Variants in ZSCAN20 observed in about 807,000 individuals in gnomAD.
ZSCAN20 encodes the protein zinc finger and SCAN domain containing 20.
In ZSCAN20, 39 loss-of-function variants were observed where a neutral mutation model predicts 97.1. The observed-to-expected ratio is 0.40, with a 90% CI of 0.31 to 0.52. ZSCAN20 has a LOEUF of 0.52. ZSCAN20 is among the 20% of genes least tolerant of loss of function. ZSCAN20 has a pLI of 0.49. For missense variants in ZSCAN20, 1,115 were observed against 1,290.4 expected (o/e 0.86, Z 2.08); for synonymous variants, 456 against 467.3 (o/e 0.98, Z 0.31).
chr1:33,480,752 C>A (rs1008195878), intron 2 of ZSCAN20, among the ~76,000 whole-genome samples: 1 of 152,184 alleles, frequency 6.6e-6, no homozygotes, highest in Admixed American at 6.5e-5. Flanking sequence ...ATTTAACATT[C>A]GCAGTTTCAA....
rs546305781 is a variant in ZSCAN20 at position 33,499,272 on chromosome 1, G to A, written c.*3796G>A. The stretch of plus-strand genomic sequence containing the variant: ...TTGCAGGTGAACTTGCCTCACCCAG[G>A]CTGTTCTGGGTCTTTGTACTCCAGA... On this transcript the variant is annotated 3_prime_UTR_variant, in exon 8 of 8. Transcript: ENST00000684572. 1.3e-5 allele frequency among the ~76,000 whole-genome samples: 2 copies of A among 152,324 alleles called. No homozygotes were observed. The highest frequency in any genetic ancestry group is 4.1e-4 in the South Asian group (2 of 4,824).
chr1:33,491,143 G>A lies in ZSCAN20; in HGVS notation c.885G>A (p.Glu295=), dbSNP rs41265903. Residue 295 remains glutamate, a synonymous_variant, in exon 6 of 8, where the codon GAG becomes GAA. Transcript: ENST00000684572. The surrounding 1 kb of genome is among the most constrained non-coding windows in gnomAD (Gnocchi z 4.3). ...CTGCAGATTACAGCCTGGATAATGA[G>A]CCAGCTCAGGCATTGACCTGGAGGG... ...RSTADYSLDN[E]PAQALTWRDS... The A allele has an allele frequency of 0.041, 65,934 of 1,614,094 alleles. 1,632 individuals carry two copies. The highest frequency in any genetic ancestry group is 0.048 in the Non-Finnish European group (56,986 of 1,180,004).
At chr1:33,484,428 C>T (rs1429762614) in intron 2 of ZSCAN20, among the ~76,000 whole-genome samples, 1 of 152,102 alleles carries the variant, frequency 6.6e-6, no homozygotes, top group Non-Finnish European at 1.5e-5. Context: ...TTTTCTGCAT[C>T]TGTTGATATA....
At chr1:33,474,529 T>A (rs1048231497) in intron 1 of ZSCAN20, among the ~76,000 whole-genome samples, 6 of 152,224 alleles carry the variant, frequency 3.9e-5, no homozygotes, top group Admixed American at 2.6e-4. Context: ...TTGATTTTGA[T>A]GGCAGTCAGC....
chr1:33,493,196 A>G lies in ZSCAN20; in HGVS notation c.1454A>G (p.His485Arg). 6.2e-7 allele frequency: 1 copy of G among 1,613,756 alleles called. No homozygotes were observed. The highest frequency in any genetic ancestry group is 8.5e-7 in the Non-Finnish European group (1 of 1,179,706). The stretch of plus-strand genomic sequence containing the variant: ...TCTTCACTCCTGACAGCAGGTGTGC[A>G]CTGGGGCTATGAGGAGACCAAGGCC... The part of the protein sequence containing the change: ...ALFQSRIAGV[H>R]WGYEETKAFL... The change falls in exon 7 of 8, where the codon CAC (histidine) becomes CGC (arginine). Residue 485 changes from histidine to arginine, a missense_variant. Physicochemically the swap from His to Arg is conservative, Grantham distance 29. This residue lies in a region of ZSCAN20 where 508 missense variants were observed against 611.2 expected (regional missense o/e 0.83). Coordinates refer to ENST00000684572, the MANE Select transcript of ZSCAN20 (RefSeq NM_001377376.1). The surrounding 1 kb of genome is among the most constrained non-coding windows in gnomAD (Gnocchi z 4.3).
chr1:33,490,644 CACACAA>C (rs1652557955), intron 5 of ZSCAN20, among the ~76,000 whole-genome samples: 1 of 53,772 alleles, frequency 1.9e-5, no homozygotes, highest in African/African-American at 1.0e-4. Flanking sequence ...ACTCACTACA[CACACAA>C]ACACACACAC....
At chr1:33,490,683 A>C (rs796861831) in intron 5 of ZSCAN20, among the ~76,000 whole-genome samples, 5 of 107,104 alleles carry the variant, frequency 4.7e-5, no homozygotes, top group African/African-American at 1.4e-4. Context: ...ACACACACAC[A>C]CCACACACCC....
Position 33,493,070 on chromosome 1 carries a change from GGATA to G in ZSCAN20, c.1445-115_1445-112del, listed in dbSNP as rs1350686643. On this transcript the variant is annotated intron_variant, in intron 6 of 7. Coordinates refer to ENST00000684572, the MANE Select transcript of ZSCAN20 (RefSeq NM_001377376.1). The surrounding 1 kb of genome is among the most constrained non-coding windows in gnomAD (Gnocchi z 4.3). ...GCAAAGGGATATTCTCCAGGTACCT[GGATA>G]GTTTCTGACATGCCTATGTTCTAGG... is the stretch of plus-strand genomic sequence containing the variant. The G allele has an allele frequency of 2.8e-6, 3 of 1,073,204 alleles. No homozygotes were observed. The African/African-American group carries it at 4.7e-5, about 17-fold the overall frequency. 66.5% of individuals were successfully genotyped at this position (1,073,204 alleles called of 1,614,324 possible). A position where few individuals can be genotyped will look rare whatever the true frequency, so the allele number is the denominator to read the frequency against.
intron 2 of ZSCAN20, among the ~76,000 whole-genome samples, chr1:33,482,376 C>T (rs1652187632): frequency 6.6e-6 from 1 of 152,186 alleles, no homozygotes; most frequent in South Asian, 2.1e-4. Context: ...ATTTAAGTTT[C>T]CTCCACGTCT....
At chr1:33,490,906 C>A in intron 5 of ZSCAN20, 119 bp from the exon 6 acceptor site, 1 of 905,456 alleles carries the variant, frequency 1.1e-6, no homozygotes. Context: ...TTTATGGGAT[C>A]AACTTGGGAA....
chr1:33,495,516 A>T lies in ZSCAN20; in HGVS notation c.*40A>T, dbSNP rs776438639. The stretch of plus-strand genomic sequence containing the variant: ...AACAACAAAGGAGGACTCAATGTAT[A>T]TATCTTATATCATAAGATGTATGCT... On this transcript the variant is annotated 3_prime_UTR_variant, in exon 8 of 8. Coordinates refer to ENST00000684572, the MANE Select transcript of ZSCAN20 (RefSeq NM_001377376.1). 2.1e-6 allele frequency: 3 copies of T among 1,444,548 alleles called. No individual in the cohort carries two copies. In the East Asian group the frequency reaches 6.9e-5, roughly 33 times the overall value. The allele number at this position is 1,444,548 out of a possible 1,614,324, so 89.5% of individuals were successfully genotyped here.
At chr1:33,480,572 G>A (rs547578081) in intron 2 of ZSCAN20, among the ~76,000 whole-genome samples, 1 of 152,260 alleles carries the variant, frequency 6.6e-6, no homozygotes, top group South Asian at 2.1e-4. Flanking sequence ...TCAGATACTG[G>A]TCTAAGCTTA....
At position 33,479,194 on chromosome 1, in the gene ZSCAN20, T is replaced by C. The variant is rs1296563087; in HGVS notation, c.-95T>C. 5.9e-6 allele frequency: 8 copies of C among 1,356,790 alleles called. No homozygotes were observed. In the East Asian group the frequency reaches 1.4e-4, roughly 24 times the overall value. The allele number at this position is 1,356,790 out of a possible 1,614,324, so 84.0% of individuals were successfully genotyped here. On this transcript the variant is annotated 5_prime_UTR_variant, in exon 2 of 8. Coordinates refer to ENST00000684572, the MANE Select transcript of ZSCAN20 (RefSeq NM_001377376.1). ...TCTGCCTTAGAGCCTTGGGGAGCAG[T>C]CCCTTTTCTAGGAGCCTCTTGAAGG... is the stretch of plus-strand genomic sequence containing the variant.
intron 1 of ZSCAN20, among the ~76,000 whole-genome samples, chr1:33,474,616 C>T (rs1435223588): frequency 1.3e-5 from 2 of 152,238 alleles, no homozygotes; most frequent in East Asian, 1.9e-4. Context: ...TTTGAGATCA[C>T]TTAGCTGAAT....
chr1:33,489,457 GT>G (rs1652508740), intron 4 of ZSCAN20, 60 bp from the exon 5 acceptor site: 1 of 1,547,270 alleles, frequency 6.5e-7, no homozygotes, highest in Non-Finnish European at 8.9e-7. Context: ...GCCTGCTAGG[GT>G]TCCTAGGCTG....
rs779976703 is a variant in ZSCAN20, at chr1:33,479,416, C to T, written c.128C>T (p.Ser43Phe). ...AAACTCTGGGAGAAGGACCGTGGCTCTGTCTCTGGCCCAGAGGCCTCCCGC... is the reference window on the plus strand; with the variant it reads ...AAACTCTGGGAGAAGGACCGTGGCTTTGTCTCTGGCCCAGAGGCCTCCCGC... ...ESKLWEKDRG[S>F]VSGPEASRQR... Residue 43 changes from serine to phenylalanine, a missense_variant, in exon 2 of 8, where the codon TCT becomes TTT. Transcript: ENST00000684572. 9 of 1,614,160 alleles carry T rather than the reference C, an allele frequency of 5.6e-6. No individual in the cohort carries two copies. The South Asian group carries it at 8.8e-5, about 16-fold the overall frequency.
Position 33,495,502 on chromosome 1 carries a change from AG to A in ZSCAN20, c.*28del, listed in dbSNP as rs1652828450. The A allele has an allele frequency of 6.7e-7, 1 of 1,495,522 alleles. No individual in the cohort carries two copies. Among genetic ancestry groups the A allele is most frequent in the African/African-American group, 1.4e-5 (1 of 71,506 alleles). The allele number at this position is 1,495,522 out of a possible 1,614,324, so 92.6% of individuals were successfully genotyped here. A position where few individuals can be genotyped will look rare whatever the true frequency, so the allele number is the denominator to read the frequency against. ...GGGACAGTTTCCTCAACAACAAAGGAGGACTCAATGTATATATCTTATATCA... is the reference window on the plus strand; with the variant it reads ...GGGACAGTTTCCTCAACAACAAAGGAGACTCAATGTATATATCTTATATCA... On this transcript the variant is annotated 3_prime_UTR_variant, in exon 8 of 8. Transcript: ENST00000684572.
Position 33,500,488 on chromosome 1 carries a change from A to G in ZSCAN20, c.*5012A>G, listed in dbSNP as rs900894185. Among the ~76,000 whole-genome samples, 3 of 152,186 alleles carry G rather than the reference A, an allele frequency of 2.0e-5. No individual in the cohort carries two copies. The highest frequency in any genetic ancestry group is 4.4e-5 in the Non-Finnish European group (3 of 68,038). ...AGAGCCACTTGGTTAAGTCAAGAGC[A>G]TTAGAAGAGTAAAAAGAAGAATACA... On this transcript the variant is annotated 3_prime_UTR_variant, in exon 8 of 8. Coordinates refer to ENST00000684572, the MANE Select transcript of ZSCAN20 (RefSeq NM_001377376.1).
chr1:33,488,174 A>C (rs1395559181), intron 2 of ZSCAN20, among the ~76,000 whole-genome samples: 1 of 152,098 alleles, frequency 6.6e-6, no homozygotes, highest in East Asian at 1.9e-4. Flanking sequence ...GTTATTTTTT[A>C]ATGTTACACA....
Sources: allele counts gnomAD v4.1 joint callset (sites outside exome capture counted in the v4.1 genomes callset), GRCh38; gene constraint gnomAD v4.1.1; regional missense constraint gnomAD v4.1.1; non-coding constraint Gnocchi (gnomAD v3.1); transcripts MANE v1.5; gene names NCBI Gene and HGNC (gene_info 2026-07-23, HGNC 2026-07-21).